CACNA2D4: variants seen among roughly 807,000 people sequenced by gnomAD.
CACNA2D4 encodes voltage-dependent calcium channel subunit alpha-2/delta-4.
In CACNA2D4, 157 loss-of-function variants were observed where a neutral mutation model predicts 163.8. The ratio of observed to expected loss-of-function variants is 0.96; its 90% confidence interval spans 0.84 to 1.09. The LOEUF is 1.09. Among genes scored for constraint, CACNA2D4 ranks in the 50% least tolerant of loss-of-function variants. CACNA2D4 has a pLI of 0.00. For synonymous variants in CACNA2D4, 598 were observed against 586.9 expected (o/e 1.02, Z -0.27); for missense variants, 1,410 against 1,479.9 (o/e 0.95, Z 0.78).
intron 14 of CACNA2D4, 55 bp downstream of exon 14, chr12:1,879,749 A>G: frequency 7.2e-7 from 1 of 1,386,124 alleles, no homozygotes; most frequent in South Asian, 1.2e-5. Flanking sequence ...TAAAGATGGC[A>G]CTGAAGCCCC....
At chr12:1,912,253 G>C (rs771872515) in intron 3 of CACNA2D4, among the ~76,000 whole-genome samples, 1 of 152,214 alleles carries the variant, frequency 6.6e-6, no homozygotes, top group Non-Finnish European at 1.5e-5. Context: ...CTTTCAGGGA[G>C]AGCACTGGTC....
intron 18 of CACNA2D4, among the ~76,000 whole-genome samples, chr12:1,862,299 CA>C (rs1442034899): frequency 2.6e-5 from 4 of 152,196 alleles, no homozygotes; most frequent in African/African-American, 9.7e-5. Flanking sequence ...GCCAATTTCC[CA>C]AAGGTGTTTT....
intron 23 of CACNA2D4, among the ~76,000 whole-genome samples, chr12:1,851,407 C>T (rs1865276062): frequency 6.6e-6 from 1 of 152,218 alleles, no homozygotes; most frequent in Non-Finnish European, 1.5e-5. Flanking sequence ...TATCATTCTC[C>T]ATATGGCTCT....
At chr12:1,864,183 G>C (rs978981367) in intron 18 of CACNA2D4, among the ~76,000 whole-genome samples, 2 of 152,178 alleles carry the variant, frequency 1.3e-5, no homozygotes, top group Non-Finnish European at 2.9e-5. Flanking sequence ...ACGGTGAGCC[G>C]ACCTTCAGGC....
intron 4 of CACNA2D4, among the ~76,000 whole-genome samples, chr12:1,908,325 G>C (rs1866718282): frequency 6.6e-6 from 1 of 152,216 alleles, no homozygotes; most frequent in South Asian, 2.1e-4. Flanking sequence ...GGCCGAGGCA[G>C]AGTGGAGACA....
intron 35 of CACNA2D4, among the ~76,000 whole-genome samples, chr12:1,796,276 G>T (rs1186101354): frequency 6.6e-6 from 1 of 152,230 alleles, no homozygotes; most frequent in African/African-American, 2.4e-5. Flanking sequence ...CAGGCCCACG[G>T]CCTTCCCAGC....
intron 6 of CACNA2D4, among the ~76,000 whole-genome samples, chr12:1,892,804 G>A (rs558272920): frequency 8.5e-5 from 13 of 152,096 alleles, no homozygotes; most frequent in Non-Finnish European, 1.3e-4. Flanking sequence ...GATATTCCAC[G>A]CAAACAGAAA....
At position 1,850,046 on chromosome 12, in the gene CACNA2D4, T is replaced by C. The variant is rs186284614; in HGVS notation, c.2247-3357A>G. ...CTATAATGAGCAGCTCATAGGTACA[T>C]TTTTTTCATATTTTTGCCAGTGTAT... On this transcript the variant is annotated intron_variant, in intron 23 of 37. Transcript: ENST00000382722. Among the ~76,000 whole-genome samples the C allele has an allele frequency of 2.2e-3, 338 of 151,718 alleles. 1 individual carries two copies. The highest frequency in any genetic ancestry group is 0.014 in the Middle Eastern group (4 of 294).
intron 6 of CACNA2D4, among the ~76,000 whole-genome samples, chr12:1,891,904 A>G (rs1866291943): frequency 6.6e-6 from 1 of 152,198 alleles, no homozygotes; most frequent in Non-Finnish European, 1.5e-5. Flanking sequence ...AAAAGAATAA[A>G]CAAAGCCTAT....
intron 18 of CACNA2D4, among the ~76,000 whole-genome samples, chr12:1,866,927 CG>C (rs1236947898): frequency 1.3e-5 from 2 of 152,054 alleles, no homozygotes; most frequent in Non-Finnish European, 2.9e-5. Context: ...GCTACTGCCC[CG>C]GCCTGAAAAT....
At position 1,797,490 on chromosome 12, in the gene CACNA2D4, T is replaced by C. The variant is rs745321584; in HGVS notation, c.3041A>G (p.Glu1014Gly). The stretch of plus-strand genomic sequence containing the variant: ...CGGCTGGTACACGAACACGGGGTAC[T>C]CCGTGTCGCAGGGCTGCAGCGGGTC... ...KQDPLQPCDT[E>G]YPVFVYQPAI... The change falls in exon 35 of 38, where the codon GAG (glutamate) becomes GGG (glycine). Residue 1014 changes from glutamate to glycine, a missense_variant. Physicochemically the swap from Glu to Gly is moderately conservative, Grantham distance 98. Transcript: ENST00000382722. The C allele has an allele frequency of 4.0e-5, 63 of 1,585,410 alleles. No homozygotes were observed. Among genetic ancestry groups the C allele is most frequent in the Non-Finnish European group, 5.3e-5 (62 of 1,167,864 alleles).
intron 26 of CACNA2D4, among the ~76,000 whole-genome samples, chr12:1,816,806 A>G (rs1317959069): frequency 6.6e-6 from 1 of 152,146 alleles, no homozygotes. Flanking sequence ...ACACACATGC[A>G]TGCACACACA....
At position 1,834,294 on chromosome 12, in the gene CACNA2D4, C is replaced by A. The variant is rs749198285; in HGVS notation, c.2551+6445G>T. The stretch of plus-strand genomic sequence containing the variant: ...GGACGCTTGGACCAGCTTGCCTGCA[C>A]CCTGCCCAAGGAGCTGAGGGGGAAG... On this transcript the variant is annotated intron_variant, in intron 26 of 37. Transcript: ENST00000382722. The surrounding 1 kb of genome is among the most constrained non-coding windows in gnomAD (Gnocchi z 7.6). 1.3e-6 allele frequency: 2 copies of A among 1,598,798 alleles called. No homozygotes were observed. Among genetic ancestry groups the A allele is most frequent in the Non-Finnish European group, 8.5e-7 (1 of 1,171,206 alleles).
At position 1,878,854 on chromosome 12, in the gene CACNA2D4, C is replaced by A. The variant is rs1201465652; in HGVS notation, c.1644+102G>T. On this transcript the variant is annotated intron_variant, in intron 15 of 37. Transcript: ENST00000382722. This position sits in a 1 kb window ranked among gnomAD's most constrained non-coding sequence, Gnocchi z 4.6. ...GGGCAGTGATGGAGGGGCCCCACCC[C>A]AGCTCTGGGCTTGGCTTGCCTGGAG... is the stretch of plus-strand genomic sequence containing the variant. 3.5e-6 allele frequency: 4 copies of A among 1,145,256 alleles called. No individual in the cohort carries two copies. The highest frequency in any genetic ancestry group is 2.5e-5 in the East Asian group (1 of 39,620). 70.9% of individuals were successfully genotyped at this position (1,145,256 alleles called of 1,614,324 possible).
At position 1,844,329 on chromosome 12, in the gene CACNA2D4, A is replaced by G; in HGVS notation, c.2470+73T>C. ...CATATCTCGTTCCCATTTCCCACTA[A>G]GAGCACAGCAGGAGGAGAGATGAGA... On this transcript the variant is annotated intron_variant, in intron 25 of 37. Transcript: ENST00000382722. The surrounding 1 kb of genome is among the most constrained non-coding windows in gnomAD (Gnocchi z 4.2). 6.5e-7 allele frequency: 1 copy of G among 1,547,964 alleles called. No individual in the cohort carries two copies. Among genetic ancestry groups the G allele is most frequent in the Non-Finnish European group, 8.8e-7 (1 of 1,134,582 alleles).
chr12:1,868,128 G>A (rs1473891922), intron 18 of CACNA2D4, among the ~76,000 whole-genome samples: 1 of 152,192 alleles, frequency 6.6e-6, no homozygotes, highest in Non-Finnish European at 1.5e-5. Context: ...ATACCCAAGG[G>A]AAAGGACATC....
chr12:1,833,077 C>T lies in CACNA2D4; in HGVS notation c.2551+7662G>A, dbSNP rs964282795. Among the ~76,000 whole-genome samples the T allele has an allele frequency of 3.4e-4, 51 of 152,192 alleles. No individual in the cohort carries two copies. The highest frequency in any genetic ancestry group is 1.1e-3 in the African/African-American group (46 of 41,532). ...TCCTGTGGTCGCCGGGAACTGAATTCCCAGCACAAAAATGCATGCCATGAG... is the reference window on the plus strand; with the variant it reads ...TCCTGTGGTCGCCGGGAACTGAATTTCCAGCACAAAAATGCATGCCATGAG... On this transcript the variant is annotated intron_variant, in intron 26 of 37. Coordinates refer to ENST00000382722, the MANE Select transcript of CACNA2D4 (RefSeq NM_172364.5). The surrounding 1 kb of genome is among the most constrained non-coding windows in gnomAD (Gnocchi z 4.2).
chr12:1,862,871 C>T (rs1865554400), intron 18 of CACNA2D4, among the ~76,000 whole-genome samples: 1 of 152,166 alleles, frequency 6.6e-6, no homozygotes, highest in Non-Finnish European at 1.5e-5. Flanking sequence ...ATTTTGGATA[C>T]AAGTCTGCCT....
rs745464325 is a variant in CACNA2D4 at position 1,844,545 on chromosome 12, T to C, written c.2343-16A>G. 2 of 1,610,822 alleles carry C rather than the reference T, an allele frequency of 1.2e-6. No homozygotes were observed. The highest frequency in any genetic ancestry group is 2.2e-5 in the South Asian group (2 of 90,592). On this transcript the variant is annotated splice_polypyrimidine_tract_variant and intron_variant, in intron 24 of 37. Coordinates refer to ENST00000382722, the MANE Select transcript of CACNA2D4 (RefSeq NM_172364.5). This position sits in a 1 kb window ranked among gnomAD's most constrained non-coding sequence, Gnocchi z 4.2. ...CAGGAACTTCCTGCAAGGAGGAAGA[T>C]GTGGTACCTCTCCCCAGATCTGTGA...
Sources: allele counts gnomAD v4.1 joint callset (sites outside exome capture counted in the v4.1 genomes callset), GRCh38; gene constraint gnomAD v4.1.1; non-coding constraint Gnocchi (gnomAD v3.1); transcripts MANE v1.5; gene names NCBI Gene and HGNC (gene_info 2026-07-23, HGNC 2026-07-21).